Variants in NEK1 observed in about 807,000 individuals in gnomAD.
The protein encoded by NEK1 is NIMA related kinase 1.
In NEK1, 137 loss-of-function variants were observed where a neutral mutation model predicts 182.1. That is an observed-to-expected ratio of 0.75 (90% CI 0.65 to 0.87). The LOEUF (loss-of-function observed/expected upper bound fraction) is 0.87, where lower values mean the gene tolerates loss of function less well. Ranked by LOEUF, NEK1 falls within the 40% of genes least tolerant of loss-of-function variation. The probability of loss-of-function intolerance (pLI) is 0.00; values close to 1 mark genes in which losing one functional copy is unlikely to be tolerated. For synonymous variants in NEK1, 513 were observed against 492.2 expected, an observed-to-expected ratio of 1.04 and a Z score of -0.56; for missense variants, 1,391 against 1,494.4, an observed-to-expected ratio of 0.93 and a Z score of 1.14.
intron 4 of NEK1, among the ~76,000 whole-genome samples, chr4:169,600,338 C>T (rs936298569): frequency 2.0e-5 from 3 of 152,010 alleles, no homozygotes; most frequent in African/African-American, 7.2e-5. Flanking sequence ...CGCAGGCACA[C>T]ACCACCACAC....
At chr4:169,465,482 G>C (rs920153819) in intron 26 of NEK1, among the ~76,000 whole-genome samples, 1 of 151,986 alleles carries the variant, frequency 6.6e-6, no homozygotes, top group African/African-American at 2.4e-5. Context: ...CACAGAGAGA[G>C]AACTCAGGAA....
chr4:169,575,819 G>C (rs1195274036), intron 12 of NEK1, among the ~76,000 whole-genome samples: 2 of 152,058 alleles, frequency 1.3e-5, no homozygotes, highest in Non-Finnish European at 1.5e-5. Flanking sequence ...TGGGGTTAGG[G>C]TTTCTTTAAA....
intron 23 of NEK1, among the ~76,000 whole-genome samples, chr4:169,500,517 T>A (rs369776961): frequency 6.6e-6 from 1 of 152,252 alleles, no homozygotes; most frequent in East Asian, 1.9e-4. Flanking sequence ...ACACTGGAGC[T>A]GTTCCTATTC....
intron 12 of NEK1, among the ~76,000 whole-genome samples, chr4:169,566,248 T>C (rs1187844204): frequency 6.6e-6 from 1 of 152,194 alleles, no homozygotes; most frequent in Non-Finnish European, 1.5e-5. Flanking sequence ...CTTGGGTAAG[T>C]TACATAAAGG....
chr4:169,545,136 C>A (rs1426214961), intron 18 of NEK1, among the ~76,000 whole-genome samples: 2 of 149,612 alleles, frequency 1.3e-5, no homozygotes, highest in Non-Finnish European at 3.0e-5. Context: ...ATGTGCCATG[C>A]TGGTGCGCTG....
intron 19 of NEK1, among the ~76,000 whole-genome samples, chr4:169,521,881 G>T (rs1756122203): frequency 6.6e-6 from 1 of 152,074 alleles, no homozygotes; most frequent in Non-Finnish European, 1.5e-5. Flanking sequence ...ACATTTCTTA[G>T]TGTGGATTCG....
intron 31 of NEK1, among the ~76,000 whole-genome samples, chr4:169,419,654 C>T (rs907844698): frequency 1.3e-5 from 2 of 152,186 alleles, no homozygotes; most frequent in East Asian, 1.9e-4. Flanking sequence ...AGATACGTTA[C>T]GAGAAAAGTG....
chr4:169,466,566 T>C (rs1338281797), intron 26 of NEK1, among the ~76,000 whole-genome samples: 1 of 151,892 alleles, frequency 6.6e-6, no homozygotes, highest in East Asian at 1.9e-4. Context: ...TCAGAAAAAA[T>C]ATCTTTGCAA....
intron 23 of NEK1, among the ~76,000 whole-genome samples, chr4:169,497,097 A>G (rs1396285123): frequency 6.6e-6 from 1 of 152,142 alleles, no homozygotes; most frequent in Non-Finnish European, 1.5e-5. Context: ...TTATTGGTCT[A>G]TTCAGGGATT....
chr4:169,607,868 A>ATT (rs1771643828), intron 2 of NEK1, among the ~76,000 whole-genome samples: 1 of 152,170 alleles, frequency 6.6e-6, no homozygotes, highest in Non-Finnish European at 1.5e-5. Flanking sequence ...AGCAGAAGGC[A>ATT]GGATTACTAG....
intron 26 of NEK1, among the ~76,000 whole-genome samples, chr4:169,466,250 A>G (rs1463318228): frequency 1.3e-5 from 2 of 152,110 alleles, no homozygotes; most frequent in African/African-American, 4.8e-5. Context: ...AAAAAATAGA[A>G]TAAATAATGG....
chr4:169,445,612 C>A (rs532935342), intron 27 of NEK1, among the ~76,000 whole-genome samples: 3 of 151,182 alleles, frequency 2.0e-5, no homozygotes, highest in South Asian at 2.1e-4. Context: ...ATAAGTGGAA[C>A]CTAAATAATT....
intron 5 of NEK1, among the ~76,000 whole-genome samples, chr4:169,597,942 T>A (rs528667209): frequency 2.6e-5 from 4 of 151,504 alleles, no homozygotes; most frequent in South Asian, 4.1e-4. Flanking sequence ...TCAAAAAAAA[T>A]AATAAAAATA....
rs1016697448 is a variant in NEK1 at position 169,508,749 on chromosome 4, C to T, written c.1749+20G>A. On this transcript the variant is annotated intron_variant, in intron 20 of 35. Coordinates refer to ENST00000507142, the MANE Select transcript of NEK1 (RefSeq NM_001199397.3). ...AAAAATGGCTATGTGATGGAGGTAG[C>T]GAACATGCGGGAAGCATACCTCTTC... 1.2e-5 allele frequency: 19 copies of T among 1,533,110 alleles called. No homozygotes were observed. Among genetic ancestry groups the T allele is most frequent in the Non-Finnish European group, 1.4e-5 (16 of 1,144,118 alleles). 95.0% of individuals were successfully genotyped at this position (1,533,110 alleles called of 1,614,324 possible).
chr4:169,570,592 A>G (rs1488180292), intron 12 of NEK1, among the ~76,000 whole-genome samples: 2 of 147,038 alleles, frequency 1.4e-5, no homozygotes, highest in Non-Finnish European at 3.0e-5. Context: ...CGCCCCGTCC[A>G]GGAGGTGAGG....
At chr4:169,539,343 C>A (rs1759019100) in intron 18 of NEK1, among the ~76,000 whole-genome samples, 1 of 152,176 alleles carries the variant, frequency 6.6e-6, no homozygotes, top group Non-Finnish European at 1.5e-5. Context: ...AGGCTATATC[C>A]TACTTTGCTA....
chr4:169,600,686 A>C (rs1313750057), intron 4 of NEK1, among the ~76,000 whole-genome samples: 1 of 152,198 alleles, frequency 6.6e-6, no homozygotes, highest in Non-Finnish European at 1.5e-5. Flanking sequence ...GTGAGAAATT[A>C]TAATGTGAAA....
chr4:169,498,675 G>A (rs534438873), intron 23 of NEK1, among the ~76,000 whole-genome samples: 1 of 152,076 alleles, frequency 6.6e-6, no homozygotes, highest in East Asian at 1.9e-4. Flanking sequence ...GCTTAGTTTG[G>A]CTGGATATGA....
chr4:169,434,815 C>T (rs1221717254), intron 28 of NEK1, among the ~76,000 whole-genome samples: 1 of 152,076 alleles, frequency 6.6e-6, no homozygotes, highest in Non-Finnish European at 1.5e-5. Context: ...TTATTTTGGT[C>T]ATTCATTCAA....
Sources: allele counts gnomAD v4.1 joint callset (sites outside exome capture counted in the v4.1 genomes callset), GRCh38; gene constraint gnomAD v4.1.1; transcripts MANE v1.5; gene names NCBI Gene and HGNC (gene_info 2026-07-23, HGNC 2026-07-21).